Variants in TMIGD2 observed in about 807,000 individuals in gnomAD.
TMIGD2 encodes the protein transmembrane and immunoglobulin domain-containing protein 2.
In TMIGD2, 18 loss-of-function variants were observed where a neutral mutation model predicts 22.6. That is an observed-to-expected ratio of 0.80 (90% CI 0.55 to 1.18). The LOEUF is 1.18. Ranked by LOEUF, TMIGD2 falls within the 50% of genes most tolerant of loss-of-function variation. TMIGD2 has a pLI of 0.00. For missense variants in TMIGD2, 361 were observed against 378.2 expected, an observed-to-expected ratio of 0.95 and a Z score of 0.38; for synonymous variants, 184 against 154.1, an observed-to-expected ratio of 1.19 and a Z score of -1.44.
chr19:4,301,976 T>G (rs1423086558), intron 1 of TMIGD2, among the ~76,000 whole-genome samples: 1 of 152,186 alleles, frequency 6.6e-6, no homozygotes, highest in South Asian at 2.1e-4. Flanking sequence ...AGAAGGGTAT[T>G]AGGCAGCTGG....
exon 2 of TMIGD2, chr19:4,298,207 T>A: frequency 1.2e-6 from 2 of 1,613,192 alleles, no homozygotes; most frequent in Non-Finnish European, 1.7e-6. Flanking sequence ...GATGGCCCCA[T>A]CCTTTGTCCA....
At chr19:4,297,987 T>G in exon 2 of TMIGD2, 1 of 1,577,988 alleles carries the variant, frequency 6.3e-7, no homozygotes, top group Non-Finnish European at 8.6e-7. Flanking sequence ...CTCCCGTACC[T>G]GGGTCCACAA....
At chr19:4,294,913 A>G in intron 2 of TMIGD2, 97 bp from the exon 3 acceptor site, 2 of 1,272,844 alleles carry the variant, frequency 1.6e-6, no homozygotes, top group South Asian at 1.7e-5. Flanking sequence ...TCCTCCTGCC[A>G]GGCTTTGTGG....
rs138317119 is a variant in TMIGD2 at position 4,296,569 on chromosome 19, G to A, written c.406+1417C>T. 2.5e-3 allele frequency among the ~76,000 whole-genome samples: 377 copies of A among 152,276 alleles called. 4 individuals carry two copies. The highest frequency in any genetic ancestry group is 8.7e-3 in the African/African-American group (360 of 41,568). ...GGGGTTGGACCCGCGCCCACTCCCT[G>A]CTCTCTCACAGCTGCCAACGCACAG... On this transcript the variant is annotated intron_variant, in intron 2 of 4. Coordinates refer to ENST00000301272, the Ensembl canonical transcript of TMIGD2.
intron 1 of TMIGD2, among the ~76,000 whole-genome samples, chr19:4,300,469 A>G (rs1971522360): frequency 2.0e-5 from 3 of 151,536 alleles, no homozygotes; most frequent in Admixed American, 2.0e-4. Flanking sequence ...AGGCGGGAGA[A>G]TCACTTGAAC....
intron 1 of TMIGD2, among the ~76,000 whole-genome samples, chr19:4,301,279 C>T (rs1971533083): frequency 6.6e-6 from 1 of 152,146 alleles, no homozygotes; most frequent in African/African-American, 2.4e-5. Context: ...GTGGCTCATG[C>T]CTGTTATCCC....
chr19:4,292,364 C>T (rs1211469391), exon 5 of TMIGD2: 14 of 501,518 alleles, frequency 2.8e-5, no homozygotes, highest in Admixed American at 7.4e-5. Flanking sequence ...TTTTTTGAGA[C>T]GGAGTCTCAC....
chr19:4,292,958 CT>C, intron 4 of TMIGD2, 73 bp from the exon 5 acceptor site: 1 of 1,547,844 alleles, frequency 6.5e-7, no homozygotes, highest in Non-Finnish European at 8.6e-7. Flanking sequence ...TCTGGGGGAT[CT>C]GTCTCTTTTT....
In TMIGD2 at chr19:4,295,986, G is replaced by A. The variant is rs561267483; in HGVS notation, c.407-1170C>T. Reference sequence around the variant, plus strand: ...CAGGCTGGAGTGCAGTGGCGTGATCGTAGCTCACTGCAGTCTCCAACTCCT... The same window carrying A: ...CAGGCTGGAGTGCAGTGGCGTGATCATAGCTCACTGCAGTCTCCAACTCCT... On this transcript the variant is annotated intron_variant, in intron 2 of 4. Transcript: ENST00000301272. Among the ~76,000 whole-genome samples the A allele has an allele frequency of 2.6e-5, 4 of 152,086 alleles. No individual in the cohort carries two copies. The South Asian group carries it at 6.2e-4, about 24-fold the overall frequency.
chr19:4,292,937 T>A (rs771255191), intron 4 of TMIGD2, 52 bp from the exon 5 acceptor site: 3 of 1,596,076 alleles, frequency 1.9e-6, no homozygotes, highest in Non-Finnish European at 1.7e-6. Context: ...TCCTGCCCTC[T>A]CCAGCTGACC....
intron 4 of TMIGD2, 125 bp downstream of exon 4, chr19:4,294,454 G>A: frequency 1.1e-6 from 1 of 891,904 alleles, no homozygotes; most frequent in Non-Finnish European, 1.8e-6. Flanking sequence ...ATAGGAGCCA[G>A]GCTTCTCCTC....
intron 2 of TMIGD2, among the ~76,000 whole-genome samples, chr19:4,297,715 C>T (rs779321565): frequency 1.3e-5 from 2 of 151,986 alleles, no homozygotes; most frequent in Non-Finnish European, 1.5e-5. Flanking sequence ...ATTAGCTGGG[C>T]GTGCTGGCAC....
At chr19:4,294,489 C>G in intron 4 of TMIGD2, 90 bp downstream of exon 4, 1 of 1,261,994 alleles carries the variant, frequency 7.9e-7, no homozygotes, top group South Asian at 1.3e-5. Flanking sequence ...CCATCCTTCC[C>G]CCAGGCGGGA....
At chr19:4,300,458 G>T (rs1469774870) in intron 1 of TMIGD2, among the ~76,000 whole-genome samples, 1 of 151,824 alleles carries the variant, frequency 6.6e-6, no homozygotes, top group Non-Finnish European at 1.5e-5. Flanking sequence ...TCGGGAGGCT[G>T]AGGCGGGAGA....
At position 4,298,061 on chromosome 19, in the gene TMIGD2, C is replaced by G. The variant is rs139982552; in HGVS notation, c.331G>C (p.Val111Leu). The G allele has an allele frequency of 2.5e-6, 4 of 1,613,550 alleles. No homozygotes were observed. Among genetic ancestry groups the G allele is most frequent in the Non-Finnish European group, 3.4e-6 (4 of 1,179,968 alleles). ...GGAATCTCTACGGCCGCCCAGCACA[C>G]GTACGCCCCGCTGTGGTTGAGGCTC... Residue 111 changes from valine (V) to leucine (L), a missense_variant, in exon 2 of 5, where the codon GTG (valine) becomes CTG (leucine). Transcript: ENST00000301272.
chr19:4,298,390 T>C (rs752932825), intron 1 of TMIGD2, 45 bp from the exon 2 acceptor site: 6 of 1,506,098 alleles, frequency 4.0e-6, no homozygotes, highest in African/African-American at 2.8e-5. Flanking sequence ...ACTGTGCGCA[T>C]GTGAGGCTGT....
chr19:4,299,015 A>G (rs1971500432), intron 1 of TMIGD2, among the ~76,000 whole-genome samples: 1 of 152,188 alleles, frequency 6.6e-6, no homozygotes, highest in African/African-American at 2.4e-5. Context: ...AGAGAGACAC[A>G]GGAAGTCGTG....
At chr19:4,299,019 A>G (rs955676415) in intron 1 of TMIGD2, among the ~76,000 whole-genome samples, 2 of 152,198 alleles carry the variant, frequency 1.3e-5, no homozygotes, top group Non-Finnish European at 2.9e-5. Flanking sequence ...AGACACAGGA[A>G]GTCGTGAAAT....
Position 4,298,149 on chromosome 19 carries a change from G to T in TMIGD2, c.243C>A (p.Cys81Ter), listed in dbSNP as rs200688197. Residue 81 changes from cysteine to a stop codon, truncating the protein, a stop_gained, in exon 2 of 5, where the codon TGC becomes TGA. Transcript: ENST00000301272. LOFTEE classifies it high-confidence loss of function. ...GCCAGGAGAGCCGTCCCTGGGGCCC[G>T]CAGACCCCCAGGCTGAGGCTGCCGT... 6.2e-7 allele frequency: 1 copy of T among 1,613,382 alleles called. No individual in the cohort carries two copies. The highest frequency in any genetic ancestry group is 1.7e-5 in the Admixed American group (1 of 59,994).
Sources: gnomAD v4.1 joint callset for allele counts (sites outside exome capture counted in the v4.1 genomes callset) on GRCh38, gnomAD v4.1.1 for gene constraint, MANE v1.5 for transcripts, NCBI Gene and HGNC (gene_info 2026-07-23, HGNC 2026-07-21) for gene names.